ESPNL: variants seen among roughly 807,000 people sequenced by gnomAD.
The protein encoded by ESPNL is espin-like protein.
A neutral mutation model predicts 46.8 loss-of-function variants in ESPNL; 49 were observed. The observed-to-expected ratio is 1.05, with a 90% CI of 0.83 to 1.33. ESPNL has a LOEUF of 1.33. Among genes scored for constraint, ESPNL ranks in the 40% most tolerant of loss-of-function variants. ESPNL has a pLI of 0.00. For synonymous variants in ESPNL, 664 were observed against 662.1 expected (o/e 1.00, Z -0.04); for missense variants, 1,540 against 1,436.6 (o/e 1.07, Z -1.16).
Position 238,130,006 on chromosome 2 carries a change from C to T in ESPNL, c.1414-122C>T, listed in dbSNP as rs1290305881. ...CCCTAGCTGGGAAGCCCTTTAAAGTCTTACCTTGGGGCAGGACCAGAGGCT... is the reference window on the plus strand; with the variant it reads ...CCCTAGCTGGGAAGCCCTTTAAAGTTTTACCTTGGGGCAGGACCAGAGGCT... On this transcript the variant is annotated intron_variant, in intron 8 of 8. Transcript: ENST00000343063. The T allele has an allele frequency of 5.2e-6, 6 of 1,155,566 alleles. No homozygotes were observed. In the Admixed American group the frequency reaches 1.6e-4, roughly 32 times the overall value. The allele number at this position is 1,155,566 out of a possible 1,614,324, so 71.6% of individuals were successfully genotyped here.
At position 238,102,077 on chromosome 2, in the gene ESPNL, C is replaced by A. The variant is rs763025275; in HGVS notation, c.431C>A (p.Ala144Asp). 14 of 1,584,324 alleles carry A rather than the reference C, an allele frequency of 8.8e-6. No individual in the cohort carries two copies. The East Asian group carries it at 3.0e-4, about 34-fold the overall frequency. The change falls in exon 2 of 9, where the codon GCT (alanine) becomes GAT (aspartate). Residue 144 changes from alanine to aspartate, a missense_variant. Physicochemically the swap from Ala to Asp is moderately radical, Grantham distance 126 (BLOSUM62 -2). Coordinates refer to ENST00000343063, the MANE Select transcript of ESPNL (RefSeq NM_194312.4). ...GAGGGAGCCCGGCCGCTGCACCACG[C>A]TGCCGTCAGTGGGGACCTGACCTGC... The part of the protein sequence containing the change: ...TREGARPLHH[A>D]AVSGDLTCLK...
intron 1 of ESPNL, 104 bp from the exon 2 acceptor site, chr2:238,101,836 AC>A (rs1691485114): frequency 1.3e-6 from 1 of 774,834 alleles, no homozygotes; most frequent in Admixed American, 2.5e-5. Flanking sequence ...AAGCCCCTTC[AC>A]TGGGTTGCAG....
intron 6 of ESPNL, among the ~76,000 whole-genome samples, chr2:238,125,963 C>G (rs1692097937): frequency 6.6e-6 from 1 of 151,358 alleles, no homozygotes; most frequent in African/African-American, 2.4e-5. Context: ...GGACCCTTCT[C>G]TGTGTGTGAT....
chr2:238,113,584 C>G (rs1691755876), intron 4 of ESPNL, among the ~76,000 whole-genome samples: 1 of 152,158 alleles, frequency 6.6e-6, no homozygotes, highest in Admixed American at 6.5e-5. Flanking sequence ...GAAGCGTAGG[C>G]ATAACTGGAG....
intron 5 of ESPNL, 43 bp downstream of exon 5, chr2:238,117,077 G>C: frequency 6.3e-7 from 1 of 1,575,784 alleles, no homozygotes; most frequent in Non-Finnish European, 8.6e-7. Flanking sequence ...CATGGGGGGT[G>C]GGCCCAGACC....
At chr2:238,126,817 G>C (rs572392447) in intron 6 of ESPNL, among the ~76,000 whole-genome samples, 1 of 150,398 alleles carries the variant, frequency 6.6e-6, no homozygotes, top group Admixed American at 6.6e-5. Context: ...TTCTGTGTCT[G>C]TGTGTTTCTC....
In ESPNL at chr2:238,132,758, C is replaced by T. The variant is rs1692371995; in HGVS notation, c.*1026C>T. Reference sequence around the variant, plus strand: ...CTTGTCCCCAGCTTCTGATGGCAGCCAGGAGAATGGGTCATCACCCAGGCT... The same window carrying T: ...CTTGTCCCCAGCTTCTGATGGCAGCTAGGAGAATGGGTCATCACCCAGGCT... On this transcript the variant is annotated 3_prime_UTR_variant, in exon 9 of 9. Transcript: ENST00000343063. The T allele has an allele frequency of 6.6e-6, 1 of 152,334 alleles. No individual in the cohort carries two copies. Among genetic ancestry groups the T allele is most frequent in the Middle Eastern group, 3.1e-3 (1 of 318 alleles). 9.4% of individuals were successfully genotyped at this position (152,334 alleles called of 1,614,324 possible).
chr2:238,117,091 G>GCCT, intron 5 of ESPNL, 57 bp downstream of exon 5: 1 of 1,548,596 alleles, frequency 6.5e-7, no homozygotes, highest in Non-Finnish European at 8.7e-7. Context: ...CCAGACCCCA[G>GCCT]CCAGGACCCC....
chr2:238,100,416 G>A lies in ESPNL; in HGVS notation c.-4G>A, dbSNP rs1179409163. On this transcript the variant is annotated 5_prime_UTR_variant, in exon 1 of 9. Transcript: ENST00000343063. Reference sequence around the variant, plus strand: ...GAGTCGCCACTGAGAGCCCGGGCCAGAGGATGGAGAAGCAGCGGGCACTCG... The same window carrying A: ...GAGTCGCCACTGAGAGCCCGGGCCAAAGGATGGAGAAGCAGCGGGCACTCG... 2 of 1,595,682 alleles carry A rather than the reference G, an allele frequency of 1.3e-6. No homozygotes were observed. Among genetic ancestry groups the A allele is most frequent in the Non-Finnish European group, 1.7e-6 (2 of 1,174,450 alleles).
At chr2:238,127,296 G>T in intron 6 of ESPNL, 1 of 1,097,650 alleles carries the variant, frequency 9.1e-7, no homozygotes, top group Non-Finnish European at 1.1e-6. Flanking sequence ...GGCAGCAAGG[G>T]AACCAGCTTT....
In ESPNL at chr2:238,125,361, G is replaced by A. The variant is rs768017641; in HGVS notation, c.1079G>A (p.Gly360Asp). The A allele has an allele frequency of 1.9e-6, 3 of 1,566,812 alleles. No individual in the cohort carries two copies. The highest frequency in any genetic ancestry group is 4.8e-5 in the East Asian group (2 of 42,018). The change falls in exon 6 of 9, where the codon GGC (glycine) becomes GAC (aspartate). Residue 360 changes from glycine (G) to aspartate (D), a missense_variant. Coordinates refer to ENST00000343063, the MANE Select transcript of ESPNL (RefSeq NM_194312.4). ...RRSLEDGRRG[G>D]PGPGNPSPMS... Reference sequence around the variant, plus strand: ...TCCCTGGAGGATGGAAGAAGAGGAGGCCCAGGGCCAGGGAACCCCAGCCGT... The same window carrying A: ...TCCCTGGAGGATGGAAGAAGAGGAGACCCAGGGCCAGGGAACCCCAGCCGT...
chr2:238,130,887 GCGGGTGCCGCAGCCGGC>G lies in ESPNL; in HGVS notation c.2175_2191del (p.Gly726ArgfsTer231). On this transcript the variant is annotated frameshift_variant, in exon 9 of 9. Transcript: ENST00000343063. LOFTEE classifies it low-confidence loss of function (END_TRUNC). ...CAGCTGCGAGGAGGTGCCATCAGAG[GCGGGTGCCGCAGCCGGC>G]CCAGACCTGGCCAGCCTGCGCAAGG... The G allele has an allele frequency of 6.5e-7, 1 of 1,547,410 alleles. No homozygotes were observed. The highest frequency in any genetic ancestry group is 1.4e-5 in the African/African-American group (1 of 73,556).
chr2:238,101,980 G>C lies in ESPNL; in HGVS notation c.334G>C (p.Ala112Pro). ...ASGVSPLHLA[A>P]RFGHPVLVEW... ...GGGCGTCTCCCCGCTGCACCTGGCC[G>C]CCCGTTTTGGACACCCAGTGCTGGT... is the stretch of plus-strand genomic sequence containing the variant. Residue 112 changes from alanine (A) to proline (P), a missense_variant, in exon 2 of 9, where the codon GCC becomes CCC. Physicochemically the swap from Ala to Pro is conservative, Grantham distance 27. Coordinates refer to ENST00000343063, the MANE Select transcript of ESPNL (RefSeq NM_194312.4). The C allele has an allele frequency of 6.2e-7, 1 of 1,610,222 alleles. No individual in the cohort carries two copies. Among genetic ancestry groups the C allele is most frequent in the Non-Finnish European group, 8.5e-7 (1 of 1,179,634 alleles).
At position 238,119,488 on chromosome 2, in the gene ESPNL, T is replaced by C. The variant is rs1559264023; in HGVS notation, c.987+2454T>C. On this transcript the variant is annotated intron_variant, in intron 5 of 8. Transcript: ENST00000343063. ...AGGAGGAATGGATGGAGGAGGTGGA[T>C]GGAGGAGGTGGATGGAGGAGGTGGG... Among the ~76,000 whole-genome samples the C allele has an allele frequency of 8.7e-5, 8 of 92,036 alleles. 1 individual carries two copies. The highest frequency in any genetic ancestry group is 1.4e-4 in the African/African-American group (3 of 21,624). 60.4% of individuals were successfully genotyped at this position (92,036 alleles called of 152,430 possible).
At chr2:238,128,128 G>C (rs11685901) in intron 7 of ESPNL, among the ~76,000 whole-genome samples, 44,613 of 152,168 alleles carry the variant, frequency 0.29, 8,320 homozygotes, top group Non-Finnish European at 0.4. Context: ...GCCCAGACCA[G>C]CAGAAGGGTC....
intron 5 of ESPNL, among the ~76,000 whole-genome samples, chr2:238,123,650 C>T (rs1052566148): frequency 1.1e-4 from 17 of 152,316 alleles, no homozygotes; most frequent in African/African-American, 4.1e-4. Flanking sequence ...GTGACACCTC[C>T]CACTCCTGGG....
intron 5 of ESPNL, among the ~76,000 whole-genome samples, chr2:238,124,677 G>A (rs1416227514): frequency 9.6e-6 from 1 of 104,088 alleles, no homozygotes; most frequent in East Asian, 3.2e-4. Context: ...GTACATGTGT[G>A]TGTGTGCAGG....
Position 238,104,683 on chromosome 2 carries a change from C to A in ESPNL, c.513C>A (p.Gly171=). 1 of 1,600,856 alleles carries A rather than the reference C, an allele frequency of 6.2e-7. No individual in the cohort carries two copies. ...GCGTGAACCGGCGGACACGCAGTGG[C>A]GCCTCCCCACTCTACCTGGCCTGCC... ...GSSVNRRTRS[G]ASPLYLACQE... The change falls in exon 3 of 9, where the codon GGC becomes GGA. Residue 171 remains glycine (G), a synonymous_variant. Transcript: ENST00000343063.
At chr2:238,127,542 C>G in intron 6 of ESPNL, 80 bp from the exon 7 acceptor site, 2 of 1,488,956 alleles carry the variant, frequency 1.3e-6, no homozygotes, top group Non-Finnish European at 1.8e-6. Flanking sequence ...AGCTCTGCCC[C>G]CAGGGCCGGA....
Sources: gnomAD v4.1 joint callset for allele counts (sites outside exome capture counted in the v4.1 genomes callset) on GRCh38, gnomAD v4.1.1 for gene constraint, MANE v1.5 for transcripts, NCBI Gene and HGNC (gene_info 2026-07-23, HGNC 2026-07-21) for gene names.